GLT1D1: variants seen among roughly 807,000 people sequenced by gnomAD.
GLT1D1 encodes glycosyltransferase 1 domain containing 1.
A neutral mutation model predicts 28.7 loss-of-function variants in GLT1D1; 21 were observed. That is an observed-to-expected ratio of 0.73 (90% CI 0.52 to 1.05). GLT1D1 has a LOEUF of 1.05. Among genes scored for constraint, GLT1D1 ranks in the 50% least tolerant of loss-of-function variants. GLT1D1 has a pLI of 0.00. For missense variants in GLT1D1, 343 were observed against 330.6 expected (o/e 1.04, Z -0.29); for synonymous variants, 147 against 124.8 (o/e 1.18, Z -1.19).
intron 4 of GLT1D1, chr12:128,926,432 C>G (rs944293564): frequency 3.3e-6 from 5 of 1,525,994 alleles, no homozygotes; most frequent in Non-Finnish European, 3.5e-6. Flanking sequence ...AGGATCCTCT[C>G]TATCTGGTGG....
At chr12:128,876,622 T>C (rs1272550488) in intron 2 of GLT1D1, among the ~76,000 whole-genome samples, 2 of 152,190 alleles carry the variant, frequency 1.3e-5, no homozygotes, top group African/African-American at 2.4e-5. Context: ...ATTTTTTCAA[T>C]GCATATTTCA....
intron 4 of GLT1D1, among the ~76,000 whole-genome samples, chr12:128,914,434 C>A (rs946784593): frequency 1.3e-5 from 2 of 152,114 alleles, no homozygotes; most frequent in African/African-American, 4.8e-5. Context: ...CTCTTTTTAA[C>A]CCTCCTGTGC....
At position 128,947,346 on chromosome 12, in the gene GLT1D1, G is replaced by C; in HGVS notation, c.428G>C (p.Gly143Ala). The stretch of plus-strand genomic sequence containing the variant: ...CCTGCTTTGTGTTTCAGAGCCGCTG[G>C]GGTACGATTGATTGGAGAGATGCCT... The change falls in exon 6 of 8, where the codon GGG (glycine) becomes GCG (alanine). Residue 143 changes from glycine (G) to alanine (A), a missense_variant. Transcript: ENST00000281703. 2 of 1,614,002 alleles carry C rather than the reference G, an allele frequency of 1.2e-6. No individual in the cohort carries two copies. Among genetic ancestry groups the C allele is most frequent in the South Asian group, 1.1e-5 (1 of 91,066 alleles).
Position 128,946,347 on chromosome 12 carries a change from TTTG to T in GLT1D1, c.420-975_420-973del, listed in dbSNP as rs532535900. On this transcript the variant is annotated intron_variant, in intron 5 of 7. Coordinates refer to ENST00000281703, the MANE Select transcript of GLT1D1 (RefSeq NM_144669.3). ...TCTAGTATTTCTATTTCCATTCTTT[TTTG>T]TTGTTGTTGTTGTTGAGACAGAGTT... 1.8e-4 allele frequency among the ~76,000 whole-genome samples: 27 copies of T among 152,194 alleles called. No homozygotes were observed. The South Asian group carries it at 2.7e-3, about 15-fold the overall frequency.
intron 1 of GLT1D1, among the ~76,000 whole-genome samples, chr12:128,862,553 G>A (rs1956408122): frequency 1.3e-5 from 2 of 152,110 alleles, no homozygotes; most frequent in South Asian, 4.1e-4. Context: ...TGAGGCAGGA[G>A]GATCACTTGA....
intron 1 of GLT1D1, among the ~76,000 whole-genome samples, chr12:128,874,737 A>C (rs1381137882): frequency 6.6e-6 from 1 of 151,838 alleles, no homozygotes; most frequent in African/African-American, 2.4e-5. Flanking sequence ...GTCTGCCTCG[A>C]ACTCTCAAAG....
chr12:128,980,338 T>C (rs796790061), intron 7 of GLT1D1, among the ~76,000 whole-genome samples: 21 of 152,256 alleles, frequency 1.4e-4, no homozygotes, highest in African/African-American at 4.6e-4. Flanking sequence ...TGTAAAGGGG[T>C]AGAACTTCAA....
intron 4 of GLT1D1, among the ~76,000 whole-genome samples, chr12:128,939,665 C>T (rs1593161354): frequency 6.6e-6 from 1 of 152,096 alleles, no homozygotes; most frequent in African/African-American, 2.4e-5. Context: ...CCAGGGAATG[C>T]CTCAGGAAAC....
At chr12:128,945,471 C>T in intron 5 of GLT1D1, 102 bp downstream of exon 9, 1 of 960,616 alleles carries the variant, frequency 1.0e-6, no homozygotes. Context: ...CTATTCCAAG[C>T]AGTTTCCAAC....
intron 7 of GLT1D1, among the ~76,000 whole-genome samples, chr12:128,967,185 G>A (rs1878539948): frequency 6.7e-6 from 1 of 148,764 alleles, no homozygotes; most frequent in South Asian, 2.1e-4. Context: ...ATTGACCAGA[G>A]CTAGCATTTA....
chr12:128,905,898 C>G (rs1041868060), intron 4 of GLT1D1, among the ~76,000 whole-genome samples: 2 of 150,816 alleles, frequency 1.3e-5, no homozygotes, highest in African/African-American at 2.4e-5. Flanking sequence ...GTGGCGTGAT[C>G]GTGGCTCACT....
At chr12:128,868,455 C>T (rs954222716) in intron 1 of GLT1D1, among the ~76,000 whole-genome samples, 12 of 152,172 alleles carry the variant, frequency 7.9e-5, no homozygotes, top group East Asian at 3.8e-4. Flanking sequence ...GGCAACACCC[C>T]GCCCAAAAGC....
chr12:128,911,931 T>C (rs1444852182), intron 4 of GLT1D1, among the ~76,000 whole-genome samples: 1 of 152,024 alleles, frequency 6.6e-6, no homozygotes, highest in Non-Finnish European at 1.5e-5. Context: ...GTCTTTGGTT[T>C]CCCAACATAT....
intron 3 of GLT1D1, among the ~76,000 whole-genome samples, chr12:128,897,807 T>C (rs1432117468): frequency 6.6e-6 from 1 of 152,086 alleles, no homozygotes; most frequent in Non-Finnish European, 1.5e-5. Context: ...TAGCTGGGAC[T>C]ACAGGCGCCC....
intron 5 of GLT1D1, among the ~76,000 whole-genome samples, chr12:128,946,474 G>C (rs1353269611): frequency 2.0e-5 from 3 of 151,656 alleles, no homozygotes; most frequent in Non-Finnish European, 4.4e-5. Flanking sequence ...AGCCTCCTGA[G>C]TAGCTGGGAC....
intron 4 of GLT1D1, among the ~76,000 whole-genome samples, chr12:128,910,682 C>A (rs61945028): frequency 1.5e-5 from 2 of 134,514 alleles, no homozygotes; most frequent in African/African-American, 5.0e-5. Flanking sequence ...TCGCCTTTAG[C>A]CTTTTTTTTT....
intron 3 of GLT1D1, among the ~76,000 whole-genome samples, chr12:128,892,563 G>T (rs1395170831): frequency 6.6e-6 from 1 of 152,130 alleles, no homozygotes; most frequent in African/African-American, 2.4e-5. Context: ...AGCAAACACG[G>T]ATTTCTATTT....
Position 128,887,658 on chromosome 12 carries a change from A to C in GLT1D1, c.218-981A>C, listed in dbSNP as rs185668690. 1.4e-4 allele frequency among the ~76,000 whole-genome samples: 21 copies of C among 152,330 alleles called. 1 individual carries two copies. The East Asian group carries it at 3.7e-3, about 27-fold the overall frequency. On this transcript the variant is annotated intron_variant, in intron 2 of 7. Coordinates refer to ENST00000281703, the MANE Select transcript of GLT1D1 (RefSeq NM_144669.3). ...AATATCTGGAGGCTGAATTCATAGC[A>C]GTGGAATTCTAGGGTGAGAGTGACC...
At chr12:128,912,012 C>T (rs1169171732) in intron 4 of GLT1D1, among the ~76,000 whole-genome samples, 1 of 152,108 alleles carries the variant, frequency 6.6e-6, no homozygotes, top group Non-Finnish European at 1.5e-5. Context: ...GTCTTCCCCT[C>T]AGGGATGCAT....
Sources: allele counts gnomAD v4.1 joint callset (sites outside exome capture counted in the v4.1 genomes callset), GRCh38; gene constraint gnomAD v4.1.1; transcripts MANE v1.5; gene names NCBI Gene and HGNC (gene_info 2026-07-23, HGNC 2026-07-21).